The following DDX31 variants were observed in gnomAD, a reference collection of about 807,000 sequenced individuals.
The protein encoded by DDX31 is ATP-dependent DNA helicase DDX31.
A neutral mutation model predicts 91.3 loss-of-function variants in DDX31; 70 were observed. That is an observed-to-expected ratio of 0.77 (90% CI 0.63 to 0.94). The LOEUF (loss-of-function observed/expected upper bound fraction) is 0.94. Ranked by LOEUF, DDX31 falls within the 40% of genes least tolerant of loss-of-function variation. The probability of loss-of-function intolerance (pLI) is 0.00; values close to 1 mark genes in which losing one functional copy is unlikely to be tolerated. For missense variants in DDX31, 902 were observed against 925.0 expected (o/e 0.98, Z 0.32); for synonymous variants, 362 against 350.6 (o/e 1.03, Z -0.36).
At position 132,663,686 on chromosome 9, in the gene DDX31, G is replaced by A. The variant is rs540063608; in HGVS notation, c.76-991C>T. Among the ~76,000 whole-genome samples the A allele has an allele frequency of 4.6e-4, 70 of 152,130 alleles. No homozygotes were observed. In the South Asian group the frequency reaches 6.9e-3, roughly 15 times the overall value. ...AAATAATGACTTGGTTTTACATGTC[G>A]GCTTTCTTTAGCCATGACTGTCAGC... On this transcript the variant is annotated intron_variant, in intron 1 of 19. Transcript: ENST00000372159.
intron 16 of DDX31, among the ~76,000 whole-genome samples, chr9:132,628,282 G>C (rs1223776003): frequency 6.6e-6 from 1 of 152,148 alleles, no homozygotes; most frequent in Non-Finnish European, 1.5e-5. Context: ...CCCTCCTCAC[G>C]CAAATGCTCT....
chr9:132,631,738 G>A (rs1590033278), intron 15 of DDX31, among the ~76,000 whole-genome samples: 2 of 152,284 alleles, frequency 1.3e-5, no homozygotes, highest in Admixed American at 6.5e-5. Context: ...CCCAGGGACC[G>A]AGGTAATTCC....
chr9:132,649,989 T>C (rs1834078884), intron 9 of DDX31, among the ~76,000 whole-genome samples: 1 of 152,164 alleles, frequency 6.6e-6, no homozygotes, highest in African/African-American at 2.4e-5. Flanking sequence ...AGGTGGGAGT[T>C]AAGAAGTTGA....
intron 19 of DDX31, among the ~76,000 whole-genome samples, chr9:132,596,204 TG>T (rs1830426260): frequency 1.3e-5 from 2 of 152,208 alleles, no homozygotes; most frequent in African/African-American, 2.4e-5. Context: ...TCAAAATAAA[TG>T]TAACAATGCC....
At chr9:132,658,550 G>C (rs1834726238) in intron 6 of DDX31, 121 bp downstream of exon 6, 3 of 857,950 alleles carry the variant, frequency 3.5e-6, no homozygotes, top group Non-Finnish European at 5.7e-6. Flanking sequence ...TAAATTAAAA[G>C]GAGGTGAAAA....
chr9:132,604,718 G>T (rs1664298408), intron 19 of DDX31, among the ~76,000 whole-genome samples: 1 of 152,194 alleles, frequency 6.6e-6, no homozygotes, highest in South Asian at 2.1e-4. Flanking sequence ...CAGACTTCCA[G>T]AGCACATTCT....
intron 19 of DDX31, among the ~76,000 whole-genome samples, 189 bp downstream of exon 19, chr9:132,611,898 G>A (rs1831362192): frequency 6.6e-6 from 1 of 152,034 alleles, no homozygotes; most frequent in Non-Finnish European, 1.5e-5. Context: ...ACCACATTTG[G>A]GCCCAAAAGG....
chr9:132,669,466 A>C lies in DDX31; in HGVS notation c.75+394T>G. ...ACTCTTCCCAGACAGGAATGTGGGC[A>C]AGATAAAAAAAAAAATCAGAGCTTA... On this transcript the variant is annotated intron_variant, in intron 1 of 19. Coordinates refer to ENST00000372159, the MANE Select transcript of DDX31 (RefSeq NM_022779.9). 3 of 676,726 alleles carry C rather than the reference A, an allele frequency of 4.4e-6. 1 individual carries two copies. The African/African-American group carries it at 6.1e-5, about 14-fold the overall frequency. 41.9% of individuals were successfully genotyped at this position (676,726 alleles called of 1,614,324 possible). A position where few individuals can be genotyped will look rare whatever the true frequency, so the allele number is the denominator to read the frequency against.
chr9:132,649,778 T>C (rs1834067598), intron 9 of DDX31, among the ~76,000 whole-genome samples: 1 of 152,226 alleles, frequency 6.6e-6, no homozygotes, highest in African/African-American at 2.4e-5. Context: ...GTTGCAACGA[T>C]TTTCAACTGA....
chr9:132,605,084 C>T (rs968862265), intron 19 of DDX31, among the ~76,000 whole-genome samples: 8 of 152,212 alleles, frequency 5.3e-5, no homozygotes, highest in African/African-American at 1.9e-4. Context: ...ACGACTTTCC[C>T]ACCAGGCAGG....
chr9:132,616,390 T>G (rs1347933242), intron 18 of DDX31, among the ~76,000 whole-genome samples: 1 of 152,226 alleles, frequency 6.6e-6, no homozygotes, highest in African/African-American at 2.4e-5. Flanking sequence ...GTAATAACAG[T>G]GAAAGAAAAC....
chr9:132,647,110 G>A (rs752494730), intron 11 of DDX31, 52 bp from the exon 12 acceptor site: 14 of 1,561,488 alleles, frequency 9.0e-6, no homozygotes, highest in Admixed American at 1.7e-5. Context: ...CCATGAAACT[G>A]GTCACAAAAG....
intron 5 of DDX31, 121 bp from the exon 6 acceptor site, chr9:132,658,856 GAAACTGCCCATTATACATCCAAGAGA>G (rs1834753591): frequency 1.2e-6 from 1 of 841,304 alleles, no homozygotes; most frequent in South Asian, 1.9e-5. Flanking sequence ...TAGGGAAAGG[GAAACTGCCCATTATACATCCAAGAGA>G]AGTGAAAAGG....
At chr9:132,643,015 G>GT (rs1833595308) in intron 13 of DDX31, among the ~76,000 whole-genome samples, 2 of 152,092 alleles carry the variant, frequency 1.3e-5, no homozygotes, top group Non-Finnish European at 2.9e-5. Flanking sequence ...GAAGAGACGA[G>GT]GTTTTGCCAT....
At chr9:132,626,530 G>T (rs557540913) in intron 16 of DDX31, among the ~76,000 whole-genome samples, 1 of 152,212 alleles carries the variant, frequency 6.6e-6, no homozygotes, top group Non-Finnish European at 1.5e-5. Flanking sequence ...AGGAAGAAAC[G>T]TGAGCTGCTG....
At chr9:132,640,821 T>C (rs986708622) in intron 14 of DDX31, among the ~76,000 whole-genome samples, 1 of 152,138 alleles carries the variant, frequency 6.6e-6, no homozygotes, top group Non-Finnish European at 1.5e-5. Flanking sequence ...CAAATTTCTT[T>C]ATTAAGTAGA....
chr9:132,648,325 C>T (rs1392254917), intron 10 of DDX31, 30 bp from the exon 11 acceptor site: 2 of 1,601,204 alleles, frequency 1.2e-6, no homozygotes, highest in East Asian at 4.5e-5. Flanking sequence ...AAGAAATTTT[C>T]AACTATATGA....
intron 18 of DDX31, among the ~76,000 whole-genome samples, chr9:132,617,504 C>T (rs1337231227): frequency 6.6e-6 from 1 of 152,050 alleles, no homozygotes. Context: ...AAATATTTGT[C>T]AAATGAATGG....
Position 132,669,887 on chromosome 9 carries a change from G to A in DDX31, c.48C>T (p.Ser16=). 1 of 1,595,298 alleles carries A rather than the reference G, an allele frequency of 6.3e-7. No homozygotes were observed. Among genetic ancestry groups the A allele is most frequent in the South Asian group, 1.1e-5 (1 of 88,014 alleles). ...GSLFDNPRTF[S]RRPPAQASRQ... is the part of the protein sequence containing the mutation. ...GACTCGCCTGGGCTGGGGGACGTCT[G>A]GAGAACGTCCTGGGGTTGTCGAAGA... The change falls in exon 1 of 20, where the codon TCC becomes TCT. Residue 16 remains serine, a synonymous_variant. Coordinates refer to ENST00000372159, the MANE Select transcript of DDX31 (RefSeq NM_022779.9).
Sources: gnomAD v4.1 joint callset for allele counts (sites outside exome capture counted in the v4.1 genomes callset) on GRCh38, gnomAD v4.1.1 for gene constraint, MANE v1.5 for transcripts, NCBI Gene and HGNC (gene_info 2026-07-23, HGNC 2026-07-21) for gene names.